Variants in RHOT1 observed in about 807,000 individuals in gnomAD.
RHOT1 encodes ras homolog family member T1, also known as mitochondrial Rho GTPase 1.
RHOT1 carries 27 observed loss-of-function variants against 95.3 expected under a neutral mutation model. The ratio of observed to expected loss-of-function variants is 0.28; its 90% confidence interval spans 0.21 to 0.39. The LOEUF (loss-of-function observed/expected upper bound fraction) is 0.39, where lower values mean the gene tolerates loss of function less well. Ranked by LOEUF, RHOT1 falls within the 10% of genes least tolerant of loss-of-function variation. The pLI, the probability that RHOT1 is intolerant of heterozygous loss-of-function variation, is 1.00. For synonymous variants in RHOT1, 227 were observed against 263.5 expected (o/e 0.86, Z 1.34); for missense variants, 578 against 786.7 (o/e 0.73, Z 3.17).
intron 1 of RHOT1, among the ~76,000 whole-genome samples, chr17:32,154,747 T>C (rs1273859051): frequency 2.6e-5 from 4 of 151,170 alleles, no homozygotes; most frequent in Non-Finnish European, 5.9e-5. Context: ...ACAAAAAAAT[T>C]AGCCGGGCAT....
At chr17:32,174,384 T>C (rs545549697) in intron 3 of RHOT1, among the ~76,000 whole-genome samples, 3 of 152,354 alleles carry the variant, frequency 2.0e-5, no homozygotes, top group African/African-American at 7.2e-5. Context: ...GAAAACTATG[T>C]ATGTGGCTTG....
chr17:32,164,238 A>T lies in RHOT1; in HGVS notation c.38-6805A>T, dbSNP rs1399438743. ...TTTAGTTGTCATCTTTAACATCCCA[A>T]TTTTTTTCTTTTTTTAGACGGAGTG... On this transcript the variant is annotated intron_variant, in intron 1 of 19. Coordinates refer to ENST00000545287, the MANE Select transcript of RHOT1 (RefSeq NM_001033566.3). 2.0e-5 allele frequency among the ~76,000 whole-genome samples: 3 copies of T among 151,928 alleles called. No individual in the cohort carries two copies. In the East Asian group the frequency reaches 5.8e-4, roughly 30 times the overall value.
chr17:32,223,383 C>A (rs562750953), intron 19 of RHOT1, among the ~76,000 whole-genome samples: 4 of 150,976 alleles, frequency 2.6e-5, no homozygotes, highest in South Asian at 4.2e-4. Context: ...GACAGTCTCT[C>A]TAAGCTCTTA....
chr17:32,198,958 C>T lies in RHOT1; in HGVS notation c.881C>T (p.Pro294Leu). The T allele has an allele frequency of 2.5e-6, 4 of 1,603,388 alleles. No individual in the cohort carries two copies. Among genetic ancestry groups the T allele is most frequent in the African/African-American group, 2.7e-5 (2 of 74,752 alleles). ...AATTTTTTCAACAGGCTGAAAATAC[C>T]TCCTGATTGCACTACTGAATTAAAT... The part of the protein sequence containing the change: ...PEYLFPLLKI[P>L]PDCTTELNHH... The change falls in exon 12 of 20, where the codon CCT becomes CTT. Residue 294 changes from proline to leucine, a missense_variant. By Grantham distance (98) the Pro-to-Leu change is moderately conservative. Around this residue, in one of 4 missense-constraint regions of RHOT1, gnomAD observed 227 missense variants for 316.0 expected, o/e 0.72. Transcript: ENST00000545287.
At chr17:32,220,782 G>T (rs1312481861) in intron 19 of RHOT1, among the ~76,000 whole-genome samples, 1 of 145,536 alleles carries the variant, frequency 6.9e-6, no homozygotes, top group Non-Finnish European at 1.5e-5. Flanking sequence ...GTTGCAGTGA[G>T]CTGAGATTGC....
chr17:32,168,144 T>G (rs990729188), intron 1 of RHOT1, among the ~76,000 whole-genome samples: 4 of 152,104 alleles, frequency 2.6e-5, no homozygotes, highest in Non-Finnish European at 5.9e-5. Context: ...AAAATATTAC[T>G]GCTCACTGAC....
At chr17:32,192,330 ATC>A in intron 9 of RHOT1, 31 bp downstream of exon 9, 128 of 775,894 alleles carry the variant, frequency 1.6e-4, no homozygotes, top group Non-Finnish European at 2.2e-4. Context: ...ACATTTGCGT[ATC>A]TTTTTTTTTT....
chr17:32,207,037 G>C lies in RHOT1; in HGVS notation c.1536+8G>C. The C allele has an allele frequency of 6.2e-7, 1 of 1,605,692 alleles. No homozygotes were observed. Among genetic ancestry groups the C allele is most frequent in the Non-Finnish European group, 8.5e-7 (1 of 1,177,248 alleles). On this transcript the variant is annotated splice_region_variant and intron_variant, in intron 17 of 19. Transcript: ENST00000545287. ...TGTGCCAGGATTTTTAAGGTTTGTT[G>C]CTCCTACAGACTATGACTGAATGTA...
intron 18 of RHOT1, among the ~76,000 whole-genome samples, chr17:32,210,353 C>G (rs1053167944): frequency 2.0e-5 from 3 of 152,156 alleles, no homozygotes; most frequent in Non-Finnish European, 2.9e-5. Context: ...CCTGCACCAA[C>G]TAGTGCAACT....
chr17:32,209,896 C>A (rs1312856467), intron 18 of RHOT1, among the ~76,000 whole-genome samples: 1 of 150,868 alleles, frequency 6.6e-6, no homozygotes, highest in Non-Finnish European at 1.5e-5. Flanking sequence ...AGTATGACAG[C>A]TGGCAGAGAC....
chr17:32,204,000 T>A, intron 16 of RHOT1, 27 bp downstream of exon 16: 2 of 1,464,680 alleles, frequency 1.4e-6, no homozygotes, highest in Non-Finnish European at 1.9e-6. Flanking sequence ...CATACAAAAA[T>A]TACTAATTAT....
intron 1 of RHOT1, among the ~76,000 whole-genome samples, chr17:32,166,846 G>A (rs940043605): frequency 1.3e-5 from 2 of 152,102 alleles, no homozygotes; most frequent in African/African-American, 4.8e-5. Context: ...AGTCATGTGA[G>A]GGTTGGAACC....
rs747039567 is a variant in RHOT1 at position 32,183,620 on chromosome 17, A to G, written c.540+348A>G. Among the ~76,000 whole-genome samples the G allele has an allele frequency of 3.9e-5, 6 of 152,318 alleles. No homozygotes were observed. In the South Asian group the frequency reaches 1.2e-3, roughly 32 times the overall value. On this transcript the variant is annotated intron_variant, in intron 8 of 19. Transcript: ENST00000545287. ...AAACTGAAAAACACACACAAATAAAAACATTATGTAGTTTTTTGACATAGG... is the reference window on the plus strand; with the variant it reads ...AAACTGAAAAACACACACAAATAAAGACATTATGTAGTTTTTTGACATAGG...
intron 19 of RHOT1, among the ~76,000 whole-genome samples, chr17:32,220,592 T>C (rs1275958853): frequency 1.3e-5 from 2 of 152,048 alleles, no homozygotes; most frequent in Non-Finnish European, 2.9e-5. Flanking sequence ...CCCAGCACTT[T>C]GGGAGGCTGA....
intron 18 of RHOT1, chr17:32,209,274 C>A (rs898154312): frequency 1.5e-6 from 1 of 689,132 alleles, no homozygotes; most frequent in Non-Finnish European, 2.3e-6. Context: ...ACAAGTCATT[C>A]CTATTATTAT....
At chr17:32,221,458 A>G (rs554167092) in intron 19 of RHOT1, among the ~76,000 whole-genome samples, 9 of 152,294 alleles carry the variant, frequency 5.9e-5, no homozygotes, top group Admixed American at 4.6e-4. Flanking sequence ...AAGGACAAAC[A>G]TGAATTAGTT....
intron 8 of RHOT1, among the ~76,000 whole-genome samples, chr17:32,185,438 T>TA (rs1300243994): frequency 6.6e-6 from 1 of 151,946 alleles, no homozygotes; most frequent in East Asian, 1.9e-4. Flanking sequence ...GTCAGGGCCT[T>TA]ACTCTATCGC....
chr17:32,157,917 C>T (rs761899332), intron 1 of RHOT1, among the ~76,000 whole-genome samples: 5 of 152,108 alleles, frequency 3.3e-5, no homozygotes, highest in Non-Finnish European at 5.9e-5. Context: ...TTTTGTTTTC[C>T]GACAAGGTCT....
chr17:32,146,097 C>T (rs1346649125), intron 1 of RHOT1, among the ~76,000 whole-genome samples: 1 of 152,124 alleles, frequency 6.6e-6, no homozygotes, highest in African/African-American at 2.4e-5. Context: ...CCTGTAAGGC[C>T]CTCCACAATC....
Sources: gnomAD v4.1 joint callset for allele counts (sites outside exome capture counted in the v4.1 genomes callset) on GRCh38, gnomAD v4.1.1 for gene constraint, gnomAD v4.1.1 regional missense constraint, MANE v1.5 for transcripts, NCBI Gene and HGNC (gene_info 2026-07-23, HGNC 2026-07-21) for gene names.